Variants in PPM1H observed in about 807,000 individuals in gnomAD.
PPM1H encodes protein phosphatase, Mg2+/Mn2+ dependent 1H.
A neutral mutation model predicts 54.9 loss-of-function variants in PPM1H; 27 were observed. That is an observed-to-expected ratio of 0.49 (90% confidence interval 0.36 to 0.68). The LOEUF (loss-of-function observed/expected upper bound fraction) is 0.68. Ranked by LOEUF, PPM1H falls within the 30% of genes least tolerant of loss-of-function variation. The pLI, the probability that PPM1H is intolerant of heterozygous loss-of-function variation, is 0.00. For missense variants in PPM1H, 596 were observed against 667.8 expected (o/e 0.89, Z 1.19); for synonymous variants, 305 against 270.8 (o/e 1.13, Z -1.24).
intron 4 of PPM1H, among the ~76,000 whole-genome samples, chr12:62,747,228 C>T (rs2076417894): frequency 6.6e-6 from 1 of 152,056 alleles, no homozygotes; most frequent in South Asian, 2.1e-4. Context: ...CCTCCGCCTC[C>T]CAGGTTCAAG....
intron 1 of PPM1H, among the ~76,000 whole-genome samples, chr12:62,842,308 C>T (rs1043715397): frequency 2.0e-5 from 3 of 151,738 alleles, no homozygotes; most frequent in Non-Finnish European, 2.9e-5. Flanking sequence ...TCAGTACTAT[C>T]GGCAATGTGA....
chr12:62,913,661 A>T (rs1592668415), intron 1 of PPM1H, among the ~76,000 whole-genome samples: 2 of 152,134 alleles, frequency 1.3e-5, no homozygotes, highest in South Asian at 4.1e-4. Flanking sequence ...GCACCCAGAC[A>T]AGTTTTTGAC....
At chr12:62,828,935 A>G (rs1868320942) in intron 2 of PPM1H, among the ~76,000 whole-genome samples, 1 of 150,362 alleles carries the variant, frequency 6.7e-6, no homozygotes, top group Admixed American at 6.6e-5. Context: ...TTACTATTAA[A>G]AAAAGAAAAC....
At chr12:62,909,390 G>A (rs1439752271) in intron 1 of PPM1H, among the ~76,000 whole-genome samples, 1 of 152,136 alleles carries the variant, frequency 6.6e-6, no homozygotes, top group Non-Finnish European at 1.5e-5. Context: ...AGCAGCCACT[G>A]GCCTCAGCCA....
chr12:62,746,337 T>G lies in PPM1H; in HGVS notation c.870-8751A>C, dbSNP rs543729891. ...ACTATGCCCACAGGCTCTGACAGTATATATCCAGGTGTGATTTATTCAGTG... is the reference window on the plus strand; with the variant it reads ...ACTATGCCCACAGGCTCTGACAGTAGATATCCAGGTGTGATTTATTCAGTG... On this transcript the variant is annotated intron_variant, in intron 4 of 9. Transcript: ENST00000228705. Among the ~76,000 whole-genome samples, 327 of 152,334 alleles carry G rather than the reference T, an allele frequency of 2.1e-3. 1 individual carries two copies. The highest frequency in any genetic ancestry group is 6.8e-3 in the Middle Eastern group (2 of 294).
chr12:62,682,729 C>G (rs2076026341), intron 8 of PPM1H, among the ~76,000 whole-genome samples: 1 of 152,142 alleles, frequency 6.6e-6, no homozygotes, highest in Non-Finnish European at 1.5e-5. Flanking sequence ...GTCTTGAACT[C>G]CTAGGCTCAG....
chr12:62,907,759 G>T (rs757998087), intron 1 of PPM1H, among the ~76,000 whole-genome samples: 1 of 152,116 alleles, frequency 6.6e-6, no homozygotes, highest in Non-Finnish European at 1.5e-5. Context: ...AGTCACACAC[G>T]TGTGACAAGC....
At chr12:62,922,268 G>C (rs771406869) in intron 1 of PPM1H, among the ~76,000 whole-genome samples, 16 of 151,198 alleles carry the variant, frequency 1.1e-4, no homozygotes, top group Non-Finnish European at 2.1e-4. Context: ...TTGAAAATTA[G>C]TTTCCTTTGA....
At chr12:62,698,643 T>A (rs952434120) in intron 6 of PPM1H, among the ~76,000 whole-genome samples, 1 of 151,974 alleles carries the variant, frequency 6.6e-6, no homozygotes, top group African/African-American at 2.4e-5. Flanking sequence ...AGAAAAAAAA[T>A]TATTACTTCT....
chr12:62,667,123 C>A, intron 9 of PPM1H, 55 bp downstream of exon 9: 1 of 1,477,568 alleles, frequency 6.8e-7, no homozygotes, highest in South Asian at 1.3e-5. Context: ...TAATTTCAGG[C>A]ATGTCATGGA....
chr12:62,770,650 C>T (rs1472255933), intron 4 of PPM1H, among the ~76,000 whole-genome samples: 1 of 151,892 alleles, frequency 6.6e-6, no homozygotes, highest in African/African-American at 2.4e-5. Flanking sequence ...CCTGCCAGCT[C>T]AGAATCACAA....
At position 62,934,836 on chromosome 12, in the gene PPM1H, C is replaced by T. The variant is rs1872277253; in HGVS notation, c.-100G>A. On this transcript the variant is annotated 5_prime_UTR_variant, in exon 1 of 10. It adds an upstream start codon to the 5' untranslated region. Coordinates refer to ENST00000228705, the MANE Select transcript of PPM1H (RefSeq NM_020700.2). The surrounding 1 kb of genome is among the most constrained non-coding windows in gnomAD (Gnocchi z 4.2). ...CAGGCTGCGGTGGGCGCCGGGCGCA[C>T]GGCGAGTCGGGCCACTGGGACGCGC... 3.4e-6 allele frequency: 4 copies of T among 1,186,870 alleles called. No individual in the cohort carries two copies. The highest frequency in any genetic ancestry group is 4.4e-5 in the Admixed American group (1 of 22,720). 73.5% of individuals were successfully genotyped at this position (1,186,870 alleles called of 1,614,324 possible).
intron 7 of PPM1H, among the ~76,000 whole-genome samples, chr12:62,691,071 G>A (rs958953998): frequency 6.6e-6 from 1 of 152,182 alleles, no homozygotes; most frequent in African/African-American, 2.4e-5. Context: ...GTTAAGTACT[G>A]AAAAACACAT....
intron 4 of PPM1H, among the ~76,000 whole-genome samples, chr12:62,751,408 A>C (rs1254230669): frequency 6.6e-6 from 1 of 152,216 alleles, no homozygotes; most frequent in African/African-American, 2.4e-5. Flanking sequence ...ATGAGGAACA[A>C]TCTCATCACA....
chr12:62,796,911 C>T lies in PPM1H; in HGVS notation c.756+4905G>A, dbSNP rs183050104. On this transcript the variant is annotated intron_variant, in intron 3 of 9. Coordinates refer to ENST00000228705, the MANE Select transcript of PPM1H (RefSeq NM_020700.2). ...TTAGTTGCACAGCCCTCTAATCCTG[C>T]CTTGGTCTTTTTGATGAACAGACCC... Among the ~76,000 whole-genome samples the T allele has an allele frequency of 8.9e-4, 135 of 152,302 alleles. 1 individual carries two copies. The highest frequency in any genetic ancestry group is 3.6e-3 in the Admixed American group (55 of 15,302).
chr12:62,921,429 C>T (rs1191238198), intron 1 of PPM1H, among the ~76,000 whole-genome samples: 1 of 152,086 alleles, frequency 6.6e-6, no homozygotes, highest in African/African-American at 2.4e-5. Context: ...TGCCCACATC[C>T]CTGGGATGAT....
intron 6 of PPM1H, among the ~76,000 whole-genome samples, chr12:62,710,463 C>T (rs1375401549): frequency 4.1e-5 from 6 of 147,058 alleles, no homozygotes; most frequent in African/African-American, 1.5e-4. Flanking sequence ...ATCTGGGAGG[C>T]GGAGGTTGCA....
rs2075791695 is a variant in PPM1H, at chr12:62,647,342, T to C, written c.*1147A>G. 1 of 152,180 alleles carries C rather than the reference T, an allele frequency of 6.6e-6. No individual in the cohort carries two copies. The highest frequency in any genetic ancestry group is 1.5e-5 in the Non-Finnish European group (1 of 68,038). 9.4% of individuals were successfully genotyped at this position (152,180 alleles called of 1,614,324 possible). A position where few individuals can be genotyped will look rare whatever the true frequency, so the allele number is the denominator to read the frequency against. On this transcript the variant is annotated 3_prime_UTR_variant, in exon 10 of 10. Coordinates refer to ENST00000228705, the MANE Select transcript of PPM1H (RefSeq NM_020700.2). ...CCCCCCGAGGGGCCTTGCACAAAGA[T>C]GATGGGGAGAGCAGAACTGCTGCTC...
At chr12:62,686,301 C>T (rs930974041) in intron 8 of PPM1H, among the ~76,000 whole-genome samples, 1 of 152,228 alleles carries the variant, frequency 6.6e-6, no homozygotes, top group African/African-American at 2.4e-5. Context: ...GCTGCTGCTT[C>T]TCATTTTATA....
Sources: gnomAD v4.1 joint callset for allele counts (sites outside exome capture counted in the v4.1 genomes callset) on GRCh38, gnomAD v4.1.1 for gene constraint, Gnocchi (gnomAD v3.1) non-coding constraint, MANE v1.5 for transcripts, NCBI Gene and HGNC (gene_info 2026-07-23, HGNC 2026-07-21) for gene names.